The following SHANK2 variants were observed in gnomAD, a reference collection of about 807,000 sequenced individuals.
SHANK2 encodes the protein SH3 and multiple ankyrin repeat domains protein 2.
Under a neutral mutation model 133.7 loss-of-function variants are expected in SHANK2, and 43 were observed. That is an observed-to-expected ratio of 0.32 (90% CI 0.25 to 0.41). The LOEUF is 0.41. SHANK2 is among the 10% of genes least tolerant of loss of function. The pLI is 1.00. For synonymous variants in SHANK2, 1,017 were observed against 952.8 expected (o/e 1.07, Z -1.24); for missense variants, 1,994 against 2,235.8 (o/e 0.89, Z 2.18).
chr11:70,734,264 T>C (rs932672181), intron 14 of SHANK2, among the ~76,000 whole-genome samples: 4 of 152,092 alleles, frequency 2.6e-5, no homozygotes, highest in African/African-American at 9.7e-5. Context: ...TTTAACTGGG[T>C]TGTTCGAGAA....
intron 3 of SHANK2, among the ~76,000 whole-genome samples, chr11:71,143,018 G>A (rs1952585354): frequency 6.6e-6 from 1 of 152,180 alleles, no homozygotes; most frequent in South Asian, 2.1e-4. Context: ...TGGTTCACCT[G>A]AGGTCAGGAG....
At chr11:70,534,198 G>A (rs1554973731) in intron 17 of SHANK2, among the ~76,000 whole-genome samples, 1 of 152,214 alleles carries the variant, frequency 6.6e-6, no homozygotes, top group Non-Finnish European at 1.5e-5. Context: ...CATGGCTGGG[G>A]AGGCCTCAGG....
In SHANK2 at chr11:70,807,298, T is replaced by C. The variant is rs1240286118; in HGVS notation, c.1494-127A>G. 1.5e-6 allele frequency: 1 copy of C among 650,516 alleles called. No homozygotes were observed. 40.3% of individuals were successfully genotyped at this position (650,516 alleles called of 1,614,324 possible). A position where few individuals can be genotyped will look rare whatever the true frequency, so the allele number is the denominator to read the frequency against. Reference sequence around the variant, plus strand: ...CGGCTGGCCGCATCAGAACTCCTGATGCCAGACAGGAAGATGGGAACAGGC... The same window carrying C: ...CGGCTGGCCGCATCAGAACTCCTGACGCCAGACAGGAAGATGGGAACAGGC... On this transcript the variant is annotated intron_variant, in intron 12 of 25. Coordinates refer to ENST00000601538, the MANE Select transcript of SHANK2 (RefSeq NM_012309.5). This position sits in a 1 kb window ranked among gnomAD's most constrained non-coding sequence, Gnocchi z 4.8.
At position 70,561,624 on chromosome 11, in the gene SHANK2, G is replaced by A. The variant is rs190216878; in HGVS notation, c.2062-58693C>T. 5.1e-4 allele frequency among the ~76,000 whole-genome samples: 78 copies of A among 151,886 alleles called. 1 individual carries two copies. Among genetic ancestry groups the A allele is most frequent in the Non-Finnish European group, 8.8e-5 (6 of 67,988 alleles). On this transcript the variant is annotated intron_variant, in intron 17 of 25. Coordinates refer to ENST00000601538, the MANE Select transcript of SHANK2 (RefSeq NM_012309.5). ...GCTCACTGTAGCTTCAAACTTCTGG[G>A]CTCAAGTGATGTTCCCACTTCAGCC... is the stretch of plus-strand genomic sequence containing the variant.
chr11:70,613,069 G>A (rs1414439618), intron 17 of SHANK2, among the ~76,000 whole-genome samples: 3 of 152,192 alleles, frequency 2.0e-5, no homozygotes, highest in Non-Finnish European at 2.9e-5. Flanking sequence ...CCTGGCCCAC[G>A]TGGGAGAATG....
At chr11:70,634,339 G>A (rs2061042388) in intron 17 of SHANK2, 1 of 152,076 alleles carries the variant, frequency 6.6e-6, no homozygotes, top group Non-Finnish European at 1.5e-5. Context: ...TATATGGATG[G>A]CAAGAATTTC....
intron 9 of SHANK2, among the ~76,000 whole-genome samples, chr11:71,064,122 G>A (rs1042481182): frequency 7.9e-5 from 12 of 152,286 alleles, no homozygotes; most frequent in Non-Finnish European, 1.8e-4. Flanking sequence ...GCCACTCATC[G>A]ATGCATGCAG....
chr11:71,165,694 T>A (rs187271907), intron 2 of SHANK2, among the ~76,000 whole-genome samples: 31 of 152,314 alleles, frequency 2.0e-4, no homozygotes, highest in African/African-American at 7.2e-4. Context: ...CTGGTAATCA[T>A]TCACCTTGAA....
chr11:70,629,529 G>A (rs1464338455), intron 17 of SHANK2, among the ~76,000 whole-genome samples: 1 of 152,164 alleles, frequency 6.6e-6, no homozygotes, highest in African/African-American at 2.4e-5. Context: ...CCGTGACCCT[G>A]GGGGCCGCAT....
intron 1 of SHANK2, among the ~76,000 whole-genome samples, chr11:71,241,399 C>T (rs574974355): frequency 2.8e-4 from 42 of 152,276 alleles, no homozygotes; most frequent in African/African-American, 9.9e-4. Context: ...GGAAGCCCCG[C>T]TTCCCCTGCC....
chr11:70,881,953 C>T (rs1214480861), intron 11 of SHANK2, among the ~76,000 whole-genome samples: 1 of 151,964 alleles, frequency 6.6e-6, no homozygotes, highest in African/African-American at 2.4e-5. Context: ...CTCAAAGGAT[C>T]CTCCCAGCCC....
At chr11:70,842,414 A>G (rs1948921478) in intron 11 of SHANK2, among the ~76,000 whole-genome samples, 1 of 152,216 alleles carries the variant, frequency 6.6e-6, no homozygotes, top group South Asian at 2.1e-4. Flanking sequence ...CTCTGCTTCA[A>G]TCAGCACTGG....
At chr11:71,208,831 G>GCACA (rs148559520) in intron 2 of SHANK2, among the ~76,000 whole-genome samples, 1 of 151,738 alleles carries the variant, frequency 6.6e-6, no homozygotes, top group Non-Finnish European at 1.5e-5. Context: ...TCTAAGGCAC[G>GCACA]CACACACACA....
chr11:70,949,641 C>G (rs557174581), intron 10 of SHANK2, among the ~76,000 whole-genome samples: 1 of 152,164 alleles, frequency 6.6e-6, no homozygotes, highest in East Asian at 1.9e-4. Flanking sequence ...TCATGGGGGG[C>G]CGGCTGGACA....
At chr11:70,773,940 T>A (rs1555043393) in intron 14 of SHANK2, among the ~76,000 whole-genome samples, 1 of 152,212 alleles carries the variant, frequency 6.6e-6, no homozygotes, top group Admixed American at 6.5e-5. Flanking sequence ...AGGTTAAACC[T>A]ACAGTTCCCT....
chr11:70,545,205 G>C (rs1477486706), intron 17 of SHANK2, among the ~76,000 whole-genome samples: 2 of 152,222 alleles, frequency 1.3e-5, no homozygotes, highest in Admixed American at 1.3e-4. Flanking sequence ...CTGGGCTCGC[G>C]CTGTCTGAGC....
At chr11:71,070,348 G>C (rs1159090799) in intron 9 of SHANK2, among the ~76,000 whole-genome samples, 1 of 152,232 alleles carries the variant, frequency 6.6e-6, no homozygotes, top group African/African-American at 2.4e-5. Context: ...GTAGCCAGAG[G>C]TCAAGGGGCC....
At chr11:70,580,352 C>T (rs184930239) in intron 17 of SHANK2, among the ~76,000 whole-genome samples, 14 of 152,312 alleles carry the variant, frequency 9.2e-5, no homozygotes, top group Admixed American at 7.2e-4. Context: ...CCCAAATGGC[C>T]CCAGTGTCCA....
At chr11:70,565,352 C>CT (rs1277969527) in intron 17 of SHANK2, among the ~76,000 whole-genome samples, 9 of 152,196 alleles carry the variant, frequency 5.9e-5, no homozygotes, top group Non-Finnish European at 1.2e-4. Flanking sequence ...TCAAGCAATT[C>CT]TTCCTGCCTC....
Sources: gnomAD v4.1 joint callset for allele counts (sites outside exome capture counted in the v4.1 genomes callset) on GRCh38, gnomAD v4.1.1 for gene constraint, Gnocchi (gnomAD v3.1) non-coding constraint, MANE v1.5 for transcripts, NCBI Gene and HGNC (gene_info 2026-07-23, HGNC 2026-07-21) for gene names.